BCHE: variants seen among roughly 807,000 people sequenced by gnomAD.
BCHE encodes the protein butyrylcholinesterase.
BCHE carries 48 observed loss-of-function variants against 51.3 expected under a neutral mutation model. The observed-to-expected ratio is 0.94, with a 90% CI of 0.74 to 1.19. The LOEUF is 1.19. BCHE is among the 50% of genes most tolerant of loss of function. The pLI, the probability that BCHE is intolerant of heterozygous loss-of-function variation, is 0.00. For missense variants in BCHE, 847 were observed against 708.2 expected (o/e 1.20, Z -2.23); for synonymous variants, 251 against 238.0 (o/e 1.05, Z -0.50).
At chr3:165,824,132 T>C (rs1714635611) in intron 2 of BCHE, among the ~76,000 whole-genome samples, 1 of 151,778 alleles carries the variant, frequency 6.6e-6, no homozygotes, top group African/African-American at 2.4e-5. Flanking sequence ...CAAAATTGTA[T>C]ACTTATATTT....
At chr3:165,774,805 T>C (rs1054717541) in intron 3 of BCHE, among the ~76,000 whole-genome samples, 2 of 152,206 alleles carry the variant, frequency 1.3e-5, no homozygotes, top group African/African-American at 2.4e-5. Flanking sequence ...TAGGTAGGAA[T>C]AGCGTGAGGC....
chr3:165,776,480 A>G (rs1311073525), intron 3 of BCHE, among the ~76,000 whole-genome samples: 2 of 151,922 alleles, frequency 1.3e-5, no homozygotes, highest in Non-Finnish European at 2.9e-5. Flanking sequence ...ATTTTTTATG[A>G]GAAAGGGAAA....
intron 2 of BCHE, among the ~76,000 whole-genome samples, chr3:165,812,108 A>T (rs1004262157): frequency 2.0e-5 from 3 of 152,038 alleles, no homozygotes; most frequent in African/African-American, 7.2e-5. Context: ...GGAATAAACA[A>T]GTTTATATAC....
chr3:165,796,565 C>G (rs1325369822), intron 2 of BCHE, among the ~76,000 whole-genome samples: 1 of 152,036 alleles, frequency 6.6e-6, no homozygotes, highest in African/African-American at 2.4e-5. Context: ...TCTTTTTAAT[C>G]CAAATCAAAA....
intron 2 of BCHE, among the ~76,000 whole-genome samples, chr3:165,818,760 T>C (rs1714398567): frequency 6.6e-6 from 1 of 152,130 alleles, no homozygotes; most frequent in Non-Finnish European, 1.5e-5. Context: ...CTTACAGACT[T>C]ATCTATAGGT....
At chr3:165,795,344 T>C (rs1188061660) in intron 2 of BCHE, among the ~76,000 whole-genome samples, 3 of 152,212 alleles carry the variant, frequency 2.0e-5, no homozygotes, top group Non-Finnish European at 4.4e-5. Flanking sequence ...GGCCCACTTA[T>C]ATTCTCCATC....
chr3:165,829,773 C>A lies in BCHE; in HGVS notation c.1261G>T (p.Val421Phe). The stretch of plus-strand genomic sequence containing the variant: ...GGGCATATGAAATTATAATCCCCAA[C>A]AACATCACCCAAGGCCTCACGGTAG... Reference protein sequence around the residue: ...ENYREALGDVVGDYNFICPAL... With the variant: ...ENYREALGDVFGDYNFICPAL... Residue 421 changes from valine (V) to phenylalanine (F), a missense_variant, in exon 2 of 4, where the codon GTT (valine) becomes TTT (phenylalanine). Transcript: ENST00000264381. 2 of 1,613,910 alleles carry A rather than the reference C, an allele frequency of 1.2e-6. No individual in the cohort carries two copies. Among genetic ancestry groups the A allele is most frequent in the Non-Finnish European group, 1.7e-6 (2 of 1,179,888 alleles).
intron 2 of BCHE, among the ~76,000 whole-genome samples, chr3:165,791,105 G>C (rs1348558936): frequency 6.6e-6 from 1 of 151,956 alleles, no homozygotes; most frequent in Non-Finnish European, 1.5e-5. Flanking sequence ...CACCAGCCTG[G>C]CCAACATGGT....
At chr3:165,804,290 T>C (rs987590690) in intron 2 of BCHE, among the ~76,000 whole-genome samples, 8 of 152,262 alleles carry the variant, frequency 5.3e-5, no homozygotes, top group African/African-American at 1.9e-4. Flanking sequence ...TAGAGGTAAA[T>C]TATTAGTGAG....
At chr3:165,797,963 C>T (rs1249733759) in intron 2 of BCHE, among the ~76,000 whole-genome samples, 1 of 152,140 alleles carries the variant, frequency 6.6e-6, no homozygotes, top group East Asian at 1.9e-4. Context: ...TTCAGCATAT[C>T]AAATAATTGT....
At chr3:165,824,949 G>C (rs1426233801) in intron 2 of BCHE, among the ~76,000 whole-genome samples, 1 of 151,926 alleles carries the variant, frequency 6.6e-6, no homozygotes, top group Non-Finnish European at 1.5e-5. Context: ...ATCAGCTTTT[G>C]TGAAAACTGA....
chr3:165,821,546 A>G (rs1714517926), intron 2 of BCHE, among the ~76,000 whole-genome samples: 1 of 151,944 alleles, frequency 6.6e-6, no homozygotes, highest in Admixed American at 6.6e-5. Context: ...ATAAAAATAT[A>G]CAAATTAAAT....
chr3:165,777,798 A>C (rs992385224), intron 3 of BCHE: 2 of 452,682 alleles, frequency 4.4e-6, no homozygotes, highest in African/African-American at 2.0e-5. Context: ...TCCTCAGCCT[A>C]CTCAATGTGA....
chr3:165,808,756 G>T (rs1713968578), intron 2 of BCHE, among the ~76,000 whole-genome samples: 1 of 151,948 alleles, frequency 6.6e-6, no homozygotes, highest in Non-Finnish European at 1.5e-5. Flanking sequence ...GACAGAGCAA[G>T]ATCCTGTCTT....
chr3:165,834,575 C>T (rs1440145189), intron 1 of BCHE, among the ~76,000 whole-genome samples: 2 of 151,978 alleles, frequency 1.3e-5, no homozygotes, highest in African/African-American at 4.8e-5. Context: ...ATAAGCATCA[C>T]TTTGCCCTTT....
intron 2 of BCHE, among the ~76,000 whole-genome samples, chr3:165,801,047 C>A (rs115683920): frequency 1.9e-3 from 287 of 152,256 alleles, no homozygotes; most frequent in African/African-American, 6.7e-3. Flanking sequence ...TGAAAGCCAA[C>A]CTTCCTTCCT....
Position 165,830,139 on chromosome 3 carries a change from C to A in BCHE, c.895G>T (p.Glu299Ter), listed in dbSNP as rs747196387. The change falls in exon 2 of 4, where the codon GAA (glutamate) becomes TAA (stop). Residue 299 changes from glutamate (E) to a stop codon, truncating the protein, a stop_gained. Transcript: ENST00000264381. LOFTEE classifies it high-confidence loss of function. Reference protein sequence around the residue: ...IKCLRNKDPQEILLNEAFVVP... With the variant: ...IKCLRNKDPQ ...ACAAATGCTTCATTCAGAAGAATTT[C>A]TTGGGGATCTTTATTTCTAAGACAC... 3.7e-6 allele frequency: 6 copies of A among 1,613,766 alleles called. No individual in the cohort carries two copies. The highest frequency in any genetic ancestry group is 1.1e-5 in the South Asian group (1 of 91,072).
At chr3:165,806,380 T>C (rs1713865351) in intron 2 of BCHE, among the ~76,000 whole-genome samples, 1 of 152,186 alleles carries the variant, frequency 6.6e-6, no homozygotes. Flanking sequence ...GTTTCTCCTA[T>C]GTTGTATTTC....
rs1340221353 is a variant in BCHE at position 165,830,803 on chromosome 3, C to T, written c.231G>A (p.Leu77=). Residue 77 remains leucine, a synonymous_variant, in exon 2 of 4, where the codon CTG becomes CTA. Coordinates refer to ENST00000264381, the MANE Select transcript of BCHE (RefSeq NM_000055.4). ...GRLRFKKPQS[L]TKWSDIWNAT... ...CATTCCAAATATCAGACCACTTGGT[C>T]AGAGACTGTGGCTTTTTGAATCGAA... The T allele has an allele frequency of 6.2e-7, 1 of 1,613,800 alleles. No individual in the cohort carries two copies. The highest frequency in any genetic ancestry group is 2.2e-5 in the East Asian group (1 of 44,860).
Sources: gnomAD v4.1 joint callset for allele counts (sites outside exome capture counted in the v4.1 genomes callset) on GRCh38, gnomAD v4.1.1 for gene constraint, MANE v1.5 for transcripts, NCBI Gene and HGNC (gene_info 2026-07-23, HGNC 2026-07-21) for gene names.